UGT1A1: variants seen among roughly 807,000 people sequenced by gnomAD.
UGT1A1 encodes the protein UDP glucuronosyltransferase family 1 member A1.
UGT1A1 carries 33 observed loss-of-function variants against 40.6 expected under a neutral mutation model. That is an observed-to-expected ratio of 0.81 (90% confidence interval 0.62 to 1.09). The LOEUF (loss-of-function observed/expected upper bound fraction) is 1.09, where lower values mean the gene tolerates loss of function less well. Ranked by LOEUF, UGT1A1 falls within the 50% of genes least tolerant of loss-of-function variation. UGT1A1 has a pLI of 0.00. For missense variants in UGT1A1, 694 were observed against 671.2 expected (o/e 1.03, Z -0.38); for synonymous variants, 249 against 265.0 (o/e 0.94, Z 0.59).
Position 233,761,136 on chromosome 2 carries a change from A to G in UGT1A1, c.849A>G (p.Gln283=), listed in dbSNP as rs142418984. Residue 283 remains glutamine, a synonymous_variant, in exon 1 of 5, where the codon CAA becomes CAG. Coordinates refer to ENST00000305208, the MANE Select transcript of UGT1A1 (RefSeq NM_000463.3). ...VFVGGINCLH[Q]NPLSQEFEAY... ...TTGGTGGAATCAACTGCCTTCACCA[A>G]AATCCACTATCCCAGGTGTGTATTG... 13 of 1,614,222 alleles carry G rather than the reference A, an allele frequency of 8.1e-6. No individual in the cohort carries two copies. The highest frequency in any genetic ancestry group is 1.1e-5 in the Non-Finnish European group (13 of 1,180,048).
intron 4 of UGT1A1, chr2:233,771,569 G>A (rs1337987311): frequency 6.6e-6 from 1 of 152,150 alleles, no homozygotes; most frequent in Non-Finnish European, 1.5e-5. Flanking sequence ...GGCCAGAGGT[G>A]GTTGTTTACA....
intron 4 of UGT1A1, 146 bp from the exon 5 acceptor site, chr2:233,772,116 A>C (rs1430946734): frequency 1.3e-6 from 2 of 1,531,304 alleles, no homozygotes; most frequent in Non-Finnish European, 1.8e-6. Flanking sequence ...CTGTATCTAA[A>C]AACAACAACA....
At chr2:233,761,667 C>T (rs1186419843) in intron 1 of UGT1A1, among the ~76,000 whole-genome samples, 1 of 152,258 alleles carries the variant, frequency 6.6e-6, no homozygotes, top group African/African-American at 2.4e-5. Flanking sequence ...AATCACCAGA[C>T]AGTCAGGTTC....
In UGT1A1 at chr2:233,772,306, G is replaced by A. The variant is rs200370335; in HGVS notation, c.1349G>A (p.Arg450His). The change falls in exon 5 of 5, where the codon CGC (arginine) becomes CAC (histidine). Residue 450 changes from arginine (R) to histidine (H), a missense_variant. By Grantham distance (29) the Arg-to-His change is conservative. Coordinates refer to ENST00000305208, the MANE Select transcript of UGT1A1 (RefSeq NM_000463.3). ...CGCCTCTCCAGCCTTCACAAGGACC[G>A]CCCGGTGGAGCCGCTGGACCTGGCC... ...IMRLSSLHKD[R>H]PVEPLDLAVF... 2.7e-5 allele frequency: 44 copies of A among 1,614,208 alleles called. No individual in the cohort carries two copies. Among genetic ancestry groups the A allele is most frequent in the Middle Eastern group, 3.3e-4 (2 of 6,062 alleles).
At chr2:233,763,211 A>C (rs985100909) in intron 1 of UGT1A1, among the ~76,000 whole-genome samples, 2 of 152,222 alleles carry the variant, frequency 1.3e-5, no homozygotes, top group Non-Finnish European at 2.9e-5. Context: ...AGTCAGGCTT[A>C]GGTGTGAAAA....
rs1377408060 is a variant in UGT1A1, at chr2:233,769,430, CTCA to C, written c.1304+993_1304+995del. Reference sequence around the variant, plus strand: ...GTGTGCGTTTGTGCATGTGGCTGTGCTCATGTGTGGGTGCACACGTGTGCATTC... The same window carrying C: ...GTGTGCGTTTGTGCATGTGGCTGTGCTGTGTGGGTGCACACGTGTGCATTC... On this transcript the variant is annotated intron_variant, in intron 4 of 4. Transcript: ENST00000305208. This position sits in a 1 kb window ranked among gnomAD's most constrained non-coding sequence, Gnocchi z 4.4. 42 of 1,537,292 alleles carry C rather than the reference CTCA, an allele frequency of 2.7e-5. No homozygotes were observed. The highest frequency in any genetic ancestry group is 3.7e-5 in the Non-Finnish European group (41 of 1,118,590).
rs35003977 is a variant in UGT1A1, at chr2:233,760,961, T to G, written c.674T>G (p.Val225Gly). 783 of 1,614,200 alleles carry G rather than the reference T, an allele frequency of 4.9e-4. 4 individuals are homozygous for G. The highest frequency in any genetic ancestry group is 3.5e-3 in the Middle Eastern group (21 of 6,062). The change falls in exon 1 of 5, where the codon GTG (valine) becomes GGG (glycine). Residue 225 changes from valine (V) to glycine (G), a missense_variant. Val to Gly is a moderately radical substitution (Grantham distance 109, BLOSUM62 -3). Coordinates refer to ENST00000305208, the MANE Select transcript of UGT1A1 (RefSeq NM_000463.3). ...IAFSQNFLCD[V>G]VYSPYATLAS... ...TTTTCACAGAACTTTCTGTGCGACG[T>G]GGTTTATTCCCCGTATGCAACCCTT...
Position 233,760,797 on chromosome 2 carries a change from C to A in UGT1A1, c.510C>A (p.Phe170Leu), listed in dbSNP as rs780028785. 1.9e-6 allele frequency: 3 copies of A among 1,613,492 alleles called. No individual in the cohort carries two copies. The highest frequency in any genetic ancestry group is 1.1e-5 in the South Asian group (1 of 91,076). The part of the protein sequence containing the change: ...VAQYLSLPTV[F>L]FLHALPCSLE... The stretch of plus-strand genomic sequence containing the variant: ...AGTACCTGTCTCTGCCCACTGTATT[C>A]TTCTTGCATGCACTGCCATGCAGCC... The change falls in exon 1 of 5, where the codon TTC (phenylalanine) becomes TTA (leucine). Residue 170 changes from phenylalanine (F) to leucine (L), a missense_variant. Physicochemically the swap from Phe to Leu is conservative, Grantham distance 22. Coordinates refer to ENST00000305208, the MANE Select transcript of UGT1A1 (RefSeq NM_000463.3).
At position 233,760,387 on chromosome 2, in the gene UGT1A1, C is replaced by T. The variant is rs756175438; in HGVS notation, c.100C>T (p.Pro34Ser). Residue 34 changes from proline (P) to serine (S), a missense_variant, in exon 1 of 5, where the codon CCA becomes TCA. Pro to Ser is a moderately conservative substitution (Grantham distance 74, BLOSUM62 -1). Coordinates refer to ENST00000305208, the MANE Select transcript of UGT1A1 (RefSeq NM_000463.3). ...CCATGCTGGGAAGATACTGTTGATC[C>T]CAGTGGATGGCAGCCACTGGCTGAG... ...VSHAGKILLI[P>S]VDGSHWLSML... 1.9e-6 allele frequency: 3 copies of T among 1,614,166 alleles called. No homozygotes were observed. Among genetic ancestry groups the T allele is most frequent in the Non-Finnish European group, 1.7e-6 (2 of 1,180,024 alleles).
rs34036745 is a variant in UGT1A1, at chr2:233,769,465, G to T, written c.1304+1026G>T. On this transcript the variant is annotated intron_variant, in intron 4 of 4. Transcript: ENST00000305208. The surrounding 1 kb of genome is among the most constrained non-coding windows in gnomAD (Gnocchi z 4.4). Reference sequence around the variant, plus strand: ...GGTGCACACGTGTGCATTCATATGCGTGTGTGTGTGTGTGCGTGTGTTTAT... The same window carrying T: ...GGTGCACACGTGTGCATTCATATGCTTGTGTGTGTGTGTGCGTGTGTTTAT... 1.5e-6 allele frequency: 2 copies of T among 1,316,538 alleles called. No homozygotes were observed. Among genetic ancestry groups the T allele is most frequent in the Non-Finnish European group, 2.1e-6 (2 of 963,564 alleles). 81.6% of individuals were successfully genotyped at this position (1,316,538 alleles called of 1,614,324 possible).
chr2:233,769,797 A>G lies in UGT1A1; in HGVS notation c.1304+1358A>G. The G allele has an allele frequency of 1.7e-6, 2 of 1,194,568 alleles. No individual in the cohort carries two copies. Among genetic ancestry groups the G allele is most frequent in the Non-Finnish European group, 2.2e-6 (2 of 895,402 alleles). The allele number at this position is 1,194,568 out of a possible 1,614,324, so 74.0% of individuals were successfully genotyped here. A position where few individuals can be genotyped will look rare whatever the true frequency, so the allele number is the denominator to read the frequency against. ...TTGAGCCCAGAAGTTGGAGGCTGCT[A>G]TGAGCCGTGATCATGCCACTGCACT... On this transcript the variant is annotated intron_variant, in intron 4 of 4. Transcript: ENST00000305208. This position sits in a 1 kb window ranked among gnomAD's most constrained non-coding sequence, Gnocchi z 4.4.
chr2:233,761,232 A>G, intron 1 of UGT1A1, 81 bp downstream of exon 1: 1 of 1,613,036 alleles, frequency 6.2e-7, no homozygotes, highest in Non-Finnish European at 8.5e-7. Flanking sequence ...CCCCAGATAT[A>G]TGCTGAGCAA....
Position 233,772,910 on chromosome 2 carries a change from T to C in UGT1A1, c.*351T>C. Reference sequence around the variant, plus strand: ...AAGGTGGTCCCACGGCTGCCCCTACTGCAAATGGCAGTTTTAATCTTATCT... The same window carrying C: ...AAGGTGGTCCCACGGCTGCCCCTACCGCAAATGGCAGTTTTAATCTTATCT... On this transcript the variant is annotated 3_prime_UTR_variant, in exon 5 of 5. Coordinates refer to ENST00000305208, the MANE Select transcript of UGT1A1 (RefSeq NM_000463.3). The C allele has an allele frequency of 2.5e-6, 1 of 393,908 alleles. No individual in the cohort carries two copies. Among genetic ancestry groups the C allele is most frequent in the Non-Finnish European group, 4.4e-6 (1 of 225,416 alleles). 24.4% of individuals were successfully genotyped at this position (393,908 alleles called of 1,614,324 possible). A position where few individuals can be genotyped will look rare whatever the true frequency, so the allele number is the denominator to read the frequency against.
rs35802766 is a variant in UGT1A1, at chr2:233,761,211, C to T, written c.864+60C>T. Reference sequence around the variant, plus strand: ...TTCTTTCAGATGTATTACTTTGGATCGATTAACTAGCCCCAGATATATGCT... The same window carrying T: ...TTCTTTCAGATGTATTACTTTGGATTGATTAACTAGCCCCAGATATATGCT... On this transcript the variant is annotated intron_variant, in intron 1 of 4. Coordinates refer to ENST00000305208, the MANE Select transcript of UGT1A1 (RefSeq NM_000463.3). 81 of 1,613,620 alleles carry T rather than the reference C, an allele frequency of 5.0e-5. No homozygotes were observed. In the East Asian group the frequency reaches 6.7e-4, roughly 13 times the overall value.
At chr2:233,767,732 C>T (rs1041419428) in intron 2 of UGT1A1, 117 bp from the exon 3 acceptor site, 2 of 1,564,690 alleles carry the variant, frequency 1.3e-6, no homozygotes, top group Admixed American at 1.9e-5. Flanking sequence ...ACTGATCCTC[C>T]CACTCTGTTA....
At chr2:233,764,627 A>C (rs2126011336) in intron 1 of UGT1A1, among the ~76,000 whole-genome samples, 1 of 152,212 alleles carries the variant, frequency 6.6e-6, no homozygotes, top group South Asian at 2.1e-4. Flanking sequence ...CATGAAGAGC[A>C]AAGGTCCTAG....
chr2:233,766,377 A>G (rs1392093575), intron 1 of UGT1A1, among the ~76,000 whole-genome samples: 1 of 151,914 alleles, frequency 6.6e-6, no homozygotes. Flanking sequence ...AGTTCTTCTC[A>G]ATGTCCAGCT....
In UGT1A1 at chr2:233,772,254, G is replaced by A. The variant is rs1700495336; in HGVS notation, c.1305-8G>A. 1 of 1,614,242 alleles carries A rather than the reference G, an allele frequency of 6.2e-7. No homozygotes were observed. The highest frequency in any genetic ancestry group is 8.5e-7 in the Non-Finnish European group (1 of 1,180,046). On this transcript the variant is annotated splice_polypyrimidine_tract_variant and splice_region_variant and intron_variant, in intron 4 of 4. Transcript: ENST00000305208. The stretch of plus-strand genomic sequence containing the variant: ...TTCCAGGCATAACGAAACTGTCTTT[G>A]TGTTTAGTTACAAGGAGAACATCAT...
At chr2:233,767,806 A>G in intron 2 of UGT1A1, 43 bp from the exon 3 acceptor site, 1 of 1,614,116 alleles carries the variant, frequency 6.2e-7, no homozygotes, top group Non-Finnish European at 8.5e-7. Flanking sequence ...TTCTAATCAT[A>G]TTATGTTCTT....
Sources: gnomAD v4.1 joint callset for allele counts (sites outside exome capture counted in the v4.1 genomes callset) on GRCh38, gnomAD v4.1.1 for gene constraint, Gnocchi (gnomAD v3.1) non-coding constraint, MANE v1.5 for transcripts, NCBI Gene and HGNC (gene_info 2026-07-23, HGNC 2026-07-21) for gene names.